Variants in FNBP1 observed in about 807,000 individuals in gnomAD.
FNBP1 encodes the protein formin binding protein 1.
Under a neutral mutation model 90.6 loss-of-function variants are expected in FNBP1, and 26 were observed. The ratio of observed to expected loss-of-function variants is 0.29; its 90% CI spans 0.21 to 0.40. The LOEUF is 0.40. FNBP1 is among the 10% of genes least tolerant of loss of function. FNBP1 has a pLI of 1.00. For missense variants in FNBP1, 635 were observed against 768.0 expected (o/e 0.83, Z 2.05); for synonymous variants, 260 against 265.2 (o/e 0.98, Z 0.19).
chr9:130,021,969 C>T (rs1260906240), intron 1 of FNBP1, among the ~76,000 whole-genome samples: 2 of 152,040 alleles, frequency 1.3e-5, no homozygotes, highest in Non-Finnish European at 2.9e-5. Context: ...TCAGGTGATC[C>T]TCCCACCTAA....
intron 1 of FNBP1, among the ~76,000 whole-genome samples, chr9:130,033,846 C>A (rs1024070744): frequency 4.4e-3 from 453 of 103,560 alleles, no homozygotes; most frequent in Middle Eastern, 6.0e-3. Flanking sequence ...ACTAAAAATA[C>A]AAAAAAAAAA....
chr9:130,000,765 C>G (rs887130003), intron 1 of FNBP1, among the ~76,000 whole-genome samples: 2 of 152,158 alleles, frequency 1.3e-5, no homozygotes, highest in African/African-American at 4.8e-5. Flanking sequence ...CCTGAAGTGA[C>G]AGGCTCACTT....
At chr9:129,915,901 A>G in intron 11 of FNBP1, 65 bp downstream of exon 11, 1 of 1,161,990 alleles carries the variant, frequency 8.6e-7, no homozygotes, top group Non-Finnish European at 1.3e-6. Context: ...ATGGCATAGC[A>G]TTCATAAAAG....
At chr9:129,916,977 T>G (rs542623451) in intron 10 of FNBP1, among the ~76,000 whole-genome samples, 1 of 152,006 alleles carries the variant, frequency 6.6e-6, no homozygotes, top group Admixed American at 6.6e-5. Flanking sequence ...AACTCAGCCC[T>G]GTCCACAGGG....
chr9:129,908,458 G>T (rs2131525234), intron 12 of FNBP1, among the ~76,000 whole-genome samples: 1 of 151,352 alleles, frequency 6.6e-6, no homozygotes, highest in East Asian at 1.9e-4. Context: ...TCCTGCCTCA[G>T]CCTCCCAAAG....
rs1216985366 is a variant in FNBP1 at position 129,888,050 on chromosome 9, AT to A, written c.*2488del. 1 of 232,776 alleles carries A rather than the reference AT, an allele frequency of 4.3e-6. No homozygotes were observed. Among genetic ancestry groups the A allele is most frequent in the East Asian group, 6.0e-5 (1 of 16,530 alleles). 14.4% of individuals were successfully genotyped at this position (232,776 alleles called of 1,614,324 possible). ...CCCGGAAGCAACACCCAGGTTCAAC[AT>A]TTAAGAGCACTCGCTATAACATTCT... is the stretch of plus-strand genomic sequence containing the variant. On this transcript the variant is annotated 3_prime_UTR_variant, in exon 17 of 17. Transcript: ENST00000446176.
chr9:129,984,322 T>G (rs1053741719), intron 2 of FNBP1, among the ~76,000 whole-genome samples: 1 of 152,106 alleles, frequency 6.6e-6, no homozygotes. Context: ...CCATACACTT[T>G]AGAAAATGAT....
chr9:129,890,492 G>A lies in FNBP1; in HGVS notation c.*47C>T, dbSNP rs745868886. 46 of 1,547,170 alleles carry A rather than the reference G, an allele frequency of 3.0e-5. No homozygotes were observed. The highest frequency in any genetic ancestry group is 1.1e-4 in the Admixed American group (6 of 54,520). On this transcript the variant is annotated 3_prime_UTR_variant, in exon 17 of 17. Transcript: ENST00000446176. The surrounding 1 kb of genome is among the most constrained non-coding windows in gnomAD (Gnocchi z 5.8). ...TGGAGGCCTGTGGGAACAAGCAGAC[G>A]GAGGCTCCTCCAGGAAGGCTCACCC...
intron 4 of FNBP1, among the ~76,000 whole-genome samples, chr9:129,965,985 T>G (rs142133434): frequency 6.6e-6 from 1 of 152,264 alleles, no homozygotes; most frequent in African/African-American, 2.4e-5. Context: ...GATTTTTAGA[T>G]AGAGTGCCAG....
intron 1 of FNBP1, among the ~76,000 whole-genome samples, chr9:130,035,028 A>T (rs2059183817): frequency 6.6e-6 from 1 of 152,194 alleles, no homozygotes; most frequent in Admixed American, 6.5e-5. Flanking sequence ...ATGTGCCTGT[A>T]ATCCCAGCTA....
Position 129,984,414 on chromosome 9 carries a change from C to T in FNBP1, c.141-5040G>A, listed in dbSNP as rs1045642859. Among the ~76,000 whole-genome samples, 19 of 152,292 alleles carry T rather than the reference C, an allele frequency of 1.2e-4. No individual in the cohort carries two copies. The East Asian group carries it at 1.5e-3, about 12-fold the overall frequency. ...CCTCCCCATCACAGGAAGGGAAATA[C>T]GTCCACAAACCCTGAAAATCAGCCC... On this transcript the variant is annotated intron_variant, in intron 2 of 16. Coordinates refer to ENST00000446176, the MANE Select transcript of FNBP1 (RefSeq NM_015033.3).
intron 12 of FNBP1, 23 bp from the exon 13 acceptor site, chr9:129,903,024 T>C (rs759216868): frequency 1.8e-5 from 28 of 1,554,408 alleles, no homozygotes; most frequent in Admixed American, 1.4e-4. Flanking sequence ...ACGAGTAGAA[T>C]GCTGTAAAGG....
upstream of FNBP1, among the ~76,000 whole-genome samples, chr9:130,043,749 G>A (rs987177112): frequency 6.6e-6 from 1 of 152,222 alleles, no homozygotes; most frequent in African/African-American, 2.4e-5. Flanking sequence ...GAATCCAGGG[G>A]CGTGCACCCA....
intron 8 of FNBP1, 56 bp from the exon 9 acceptor site, chr9:129,925,213 A>G (rs2041690082): frequency 1.4e-6 from 2 of 1,448,834 alleles, no homozygotes; most frequent in African/African-American, 1.4e-5. Flanking sequence ...AACACTTTTT[A>G]AACAATGAAT....
At chr9:130,025,671 C>G (rs1589342951) in intron 1 of FNBP1, among the ~76,000 whole-genome samples, 1 of 152,258 alleles carries the variant, frequency 6.6e-6, no homozygotes, top group Non-Finnish European at 1.5e-5. Context: ...CGCCTATAAT[C>G]CCAGCACTTT....
At chr9:129,986,905 A>C (rs2052368245) in intron 2 of FNBP1, among the ~76,000 whole-genome samples, 1 of 152,112 alleles carries the variant, frequency 6.6e-6, no homozygotes, top group Non-Finnish European at 1.5e-5. Flanking sequence ...ACATTCAGAC[A>C]TAATCAAAGA....
At position 129,979,474 on chromosome 9, in the gene FNBP1, A is replaced by T. The variant is rs996082888; in HGVS notation, c.141-100T>A. On this transcript the variant is annotated intron_variant, in intron 2 of 16. Transcript: ENST00000446176. Reference sequence around the variant, plus strand: ...GTGCTTTTGTTACAAGTTTAAAACAAACAAAAAAAGTCCACAGCTGAAATC... The same window carrying T: ...GTGCTTTTGTTACAAGTTTAAAACATACAAAAAAAGTCCACAGCTGAAATC... The T allele has an allele frequency of 2.8e-5, 24 of 853,724 alleles. No homozygotes were observed. The South Asian group carries it at 3.5e-4, about 12-fold the overall frequency. The allele number at this position is 853,724 out of a possible 1,614,324, so 52.9% of individuals were successfully genotyped here. A position where few individuals can be genotyped will look rare whatever the true frequency, so the allele number is the denominator to read the frequency against.
In FNBP1 at chr9:129,887,550, T is replaced by A; in HGVS notation, c.*2989A>T. The A allele has an allele frequency of 4.7e-6, 1 of 211,380 alleles. No homozygotes were observed. 13.1% of individuals were successfully genotyped at this position (211,380 alleles called of 1,614,324 possible). ...TTTTGACGTCGTGTAAACTTTCTTC[T>A]GCAATGACGGATGTTACCAAAAGGC... On this transcript the variant is annotated 3_prime_UTR_variant, in exon 17 of 17. Transcript: ENST00000446176.
At chr9:130,052,818 A>C in the FNBP1 span, among the ~76,000 whole-genome samples, 1 of 152,044 alleles carries the variant, frequency 6.6e-6, no homozygotes, top group Non-Finnish European at 1.5e-5. Context: ...AAAAGATAAA[A>C]AGTACTCCAA....
Sources: gnomAD v4.1 joint callset for allele counts (sites outside exome capture counted in the v4.1 genomes callset) on GRCh38, gnomAD v4.1.1 for gene constraint, Gnocchi (gnomAD v3.1) non-coding constraint, MANE v1.5 for transcripts, NCBI Gene and HGNC (gene_info 2026-07-23, HGNC 2026-07-21) for gene names.